FRMD4B: variants seen among roughly 807,000 people sequenced by gnomAD.
FRMD4B encodes FERM domain containing 4B, also known as FERM domain-containing protein 4B.
A neutral mutation model predicts 141.5 loss-of-function variants in FRMD4B; 74 were observed. The observed-to-expected ratio is 0.52, with a 90% CI of 0.43 to 0.63. The LOEUF is 0.63. FRMD4B is among the 30% of genes least tolerant of loss of function. The pLI is 0.00. For missense variants in FRMD4B, 1,366 were observed against 1,253.4 expected, an observed-to-expected ratio of 1.09 and a Z score of -1.36; for synonymous variants, 506 against 467.9, an observed-to-expected ratio of 1.08 and a Z score of -1.05.
At chr3:69,528,945 A>G (rs760961701) in intron 1 of FRMD4B, among the ~76,000 whole-genome samples, 4 of 152,092 alleles carry the variant, frequency 2.6e-5, no homozygotes, top group Non-Finnish European at 5.9e-5. Context: ...CATAGGCCAA[A>G]CCCTGTTCAT....
At chr3:69,361,839 T>G (rs1437207405) in intron 1 of FRMD4B, among the ~76,000 whole-genome samples, 1 of 152,218 alleles carries the variant, frequency 6.6e-6, no homozygotes, top group Non-Finnish European at 1.5e-5. Flanking sequence ...TATGCATGTG[T>G]GTGCACATGC....
intron 11 of FRMD4B, among the ~76,000 whole-genome samples, chr3:69,210,040 C>G (rs926493280): frequency 2.2e-4 from 33 of 152,186 alleles, no homozygotes; most frequent in African/African-American, 8.0e-4. Flanking sequence ...TTACTTAATT[C>G]ATTTGGCTTT....
At chr3:69,386,138 C>T (rs1288322490), upstream of FRMD4B, 1 of 706,054 alleles carries the variant, frequency 1.4e-6, no homozygotes, top group Non-Finnish European at 2.2e-6. Flanking sequence ...CACCGTGCGT[C>T]CTGGCCAGGC....
chr3:69,322,322 C>T (rs1702024762), intron 1 of FRMD4B, among the ~76,000 whole-genome samples: 1 of 152,192 alleles, frequency 6.6e-6, no homozygotes, highest in South Asian at 2.1e-4. Context: ...GCTATTGACA[C>T]TCCCGTTCAG....
At chr3:69,487,463 C>T (rs1045003931) in intron 1 of FRMD4B, among the ~76,000 whole-genome samples, 1 of 152,102 alleles carries the variant, frequency 6.6e-6, no homozygotes, top group Non-Finnish European at 1.5e-5. Flanking sequence ...ACTAACCCAG[C>T]CTATCTGGAA....
At chr3:69,354,758 A>G (rs1422741836) in intron 1 of FRMD4B, among the ~76,000 whole-genome samples, 1 of 152,150 alleles carries the variant, frequency 6.6e-6, no homozygotes, top group Admixed American at 6.6e-5. Context: ...CTTTATCTTC[A>G]GATCCTTCTA....
intron 1 of FRMD4B, among the ~76,000 whole-genome samples, chr3:69,371,603 G>A (rs1350074932): frequency 2.6e-5 from 4 of 152,186 alleles, no homozygotes; most frequent in African/African-American, 9.6e-5. Context: ...AACCAGCTAA[G>A]AAATGAGGGT....
chr3:69,214,137 G>A (rs1044397126), intron 11 of FRMD4B, among the ~76,000 whole-genome samples: 1 of 152,154 alleles, frequency 6.6e-6, no homozygotes, highest in African/African-American at 2.4e-5. Context: ...GGGGAAAAGA[G>A]GGGGTTTTAT....
At chr3:69,218,700 G>C (rs2107736401) in intron 9 of FRMD4B, among the ~76,000 whole-genome samples, 1 of 152,234 alleles carries the variant, frequency 6.6e-6, no homozygotes, top group African/African-American at 2.4e-5. Flanking sequence ...AGCCCCTAAT[G>C]ATGCAAGCTA....
intron 2 of FRMD4B, among the ~76,000 whole-genome samples, chr3:69,406,891 C>T (rs906972457): frequency 2.0e-5 from 3 of 147,084 alleles, no homozygotes; most frequent in Non-Finnish European, 4.5e-5. Flanking sequence ...ACCACCACAC[C>T]CAGTTAATTT....
At chr3:69,258,933 T>TG (rs1412584722) in intron 5 of FRMD4B, among the ~76,000 whole-genome samples, 1 of 152,208 alleles carries the variant, frequency 6.6e-6, no homozygotes, top group Non-Finnish European at 1.5e-5. Flanking sequence ...TCAGCCTTTT[T>TG]GGCACCAGGG....
intron 19 of FRMD4B, among the ~76,000 whole-genome samples, chr3:69,187,478 G>C (rs1203881875): frequency 6.7e-6 from 1 of 150,274 alleles, no homozygotes; most frequent in African/African-American, 2.4e-5. Context: ...GGCGGACGTT[G>C]CGGTGAGCTG....
At chr3:69,207,306 T>TAA (rs1559716983) in intron 11 of FRMD4B, among the ~76,000 whole-genome samples, 358 of 33,970 alleles carry the variant, frequency 0.011, 1 homozygote, top group African/African-American at 0.02. Flanking sequence ...ACCTATGTCT[T>TAA]TAAAAAAAAA....
chr3:69,198,593 G>A (rs1008819809), intron 12 of FRMD4B, 105 bp downstream of exon 12: 3 of 683,846 alleles, frequency 4.4e-6, no homozygotes, highest in Non-Finnish European at 8.0e-6. Context: ...ATACACCCAA[G>A]AGAAATGAAA....
chr3:69,505,206 C>CA (rs71115696), intron 1 of FRMD4B, among the ~76,000 whole-genome samples: 2 of 151,684 alleles, frequency 1.3e-5, no homozygotes, highest in South Asian at 2.1e-4. Flanking sequence ...CCCATCTCTA[C>CA]AAAAAATTAA....
intron 1 of FRMD4B, among the ~76,000 whole-genome samples, chr3:69,537,116 C>T (rs1701099608): frequency 6.6e-6 from 1 of 152,158 alleles, no homozygotes; most frequent in Non-Finnish European, 1.5e-5. Flanking sequence ...AAATAGTAGC[C>T]TTTACACATG....
chr3:69,329,993 C>T (rs1166148375), intron 1 of FRMD4B, among the ~76,000 whole-genome samples: 1 of 152,112 alleles, frequency 6.6e-6, no homozygotes, highest in African/African-American at 2.4e-5. Flanking sequence ...TGATGAAGGT[C>T]TCCTGACCTT....
chr3:69,266,328 A>AT (rs1333082962), intron 5 of FRMD4B, among the ~76,000 whole-genome samples: 4 of 152,106 alleles, frequency 2.6e-5, no homozygotes, highest in Non-Finnish European at 4.4e-5. Flanking sequence ...GACAGAAAGG[A>AT]TTTTTTGTGT....
At chr3:69,528,324 T>C (rs1700961456) in intron 1 of FRMD4B, among the ~76,000 whole-genome samples, 1 of 150,932 alleles carries the variant, frequency 6.6e-6, no homozygotes, top group Admixed American at 6.6e-5. Context: ...TCTCTTTCTT[T>C]CTCGCTCTCT....
Sources: gnomAD v4.1 joint callset for allele counts (sites outside exome capture counted in the v4.1 genomes callset) on GRCh38, gnomAD v4.1.1 for gene constraint, MANE v1.5 for transcripts, NCBI Gene and HGNC (gene_info 2026-07-23, HGNC 2026-07-21) for gene names.